Variants in NFKBID observed in about 807,000 individuals in gnomAD.
NFKBID encodes the protein NF-kappa-B inhibitor delta.
Under a neutral mutation model 53.4 loss-of-function variants are expected in NFKBID, and 26 were observed. The ratio of observed to expected loss-of-function variants is 0.49; its 90% CI spans 0.36 to 0.68. NFKBID has a LOEUF of 0.68. NFKBID is among the 30% of genes least tolerant of loss of function. The pLI is 0.00. For synonymous variants in NFKBID, 262 were observed against 259.8 expected (o/e 1.01, Z -0.08); for missense variants, 493 against 614.1 (o/e 0.80, Z 2.08).
At chr19:35,901,088 C>T (rs8108459), upstream of NFKBID, among the ~76,000 whole-genome samples, 10,894 of 152,004 alleles carry the variant, frequency 0.072, 941 homozygotes, top group African/African-American at 0.21. Context: ...CTGCCTTGGC[C>T]TCCCAAAGTG....
chr19:35,889,428 A>C (rs1304563458), intron 11 of NFKBID, among the ~76,000 whole-genome samples: 1 of 152,338 alleles, frequency 6.6e-6, no homozygotes, highest in East Asian at 1.9e-4. Flanking sequence ...GGGTTCGTAC[A>C]CTGAGAAAGG....
At chr19:35,895,356 C>T (rs549474114) in intron 9 of NFKBID, among the ~76,000 whole-genome samples, 1 of 150,244 alleles carries the variant, frequency 6.7e-6, no homozygotes, top group Non-Finnish European at 1.5e-5. Flanking sequence ...GGCATGGTGG[C>T]GTGCGCCTAT....
rs1975163254 is a variant in NFKBID at position 35,896,509 on chromosome 19, G to A, written c.714C>T (p.Asn238=). ...ACAGATCCTCCACAATCAGGGGCTG[G>A]TTGGCAGCAGCCGCCACCAGGAGAG... is the stretch of plus-strand genomic sequence containing the variant. Residue 238 remains asparagine, a synonymous_variant, in exon 7 of 12, where the codon AAC becomes AAT. Transcript: ENST00000641389. The surrounding 1 kb of genome is among the most constrained non-coding windows in gnomAD (Gnocchi z 5.7). The A allele has an allele frequency of 6.2e-7, 1 of 1,614,074 alleles. No individual in the cohort carries two copies. Among genetic ancestry groups the A allele is most frequent in the Non-Finnish European group, 8.5e-7 (1 of 1,179,946 alleles).
downstream of NFKBID, chr19:35,888,104 C>T (rs1201062909): frequency 6.3e-6 from 1 of 158,724 alleles, no homozygotes; most frequent in East Asian, 1.9e-4. Context: ...GAGGGTCCCT[C>T]CTGTCTCAGG....
chr19:35,898,446 G>A (rs1477874707), intron 3 of NFKBID, 26 bp downstream of exon 3: 8 of 1,490,248 alleles, frequency 5.4e-6, no homozygotes, highest in African/African-American at 1.4e-5. Flanking sequence ...AGGGGGATGG[G>A]GAGGCCGGGA....
chr19:35,895,922 C>T (rs1975107212), intron 9 of NFKBID, 58 bp downstream of exon 9: 4 of 1,544,526 alleles, frequency 2.6e-6, no homozygotes, highest in Non-Finnish European at 3.5e-6. Flanking sequence ...TCCCGGACAT[C>T]CAAGTGGCCC....
At chr19:35,888,950 T>C (rs1197297278) in intron 11 of NFKBID, among the ~76,000 whole-genome samples, 1 of 150,468 alleles carries the variant, frequency 6.6e-6, no homozygotes, top group Non-Finnish European at 1.5e-5. Context: ...GAGGCTGAGG[T>C]GGGAGAATCA....
chr19:35,896,121 G>C lies in NFKBID; in HGVS notation c.891C>G (p.Thr297=). 6.2e-7 allele frequency: 1 copy of C among 1,614,164 alleles called. No individual in the cohort carries two copies. Among genetic ancestry groups the C allele is most frequent in the Non-Finnish European group, 8.5e-7 (1 of 1,180,002 alleles). The change falls in exon 9 of 12, where the codon ACC becomes ACG. Residue 297 remains threonine (T), a synonymous_variant. Transcript: ENST00000641389. This position sits in a 1 kb window ranked among gnomAD's most constrained non-coding sequence, Gnocchi z 5.7. Reference sequence around the variant, plus strand: ...GGGCCAGGATGGCCGTGTGGAGCGGGGTGAGGCCTGCAGAATGGAGACAGT... The same window carrying C: ...GGGCCAGGATGGCCGTGTGGAGCGGCGTGAGGCCTGCAGAATGGAGACAGT...
rs565237687 is a variant in NFKBID at position 35,896,247 on chromosome 19, T to C, written c.854A>G (p.Gln285Arg). ...GAAGTCTCTGGCTTCCAGGTCAACCTGGACCCCAGAGTTAAGCACAGCCTG... is the reference window on the plus strand; with the variant it reads ...GAAGTCTCTGGCTTCCAGGTCAACCCGGACCCCAGAGTTAAGCACAGCCTG... The change falls in exon 8 of 12, where the codon CAG (glutamine) becomes CGG (arginine). Residue 285 changes from glutamine to arginine, a missense_variant. By Grantham distance (43) the Gln-to-Arg change is conservative. Around this residue, in one of 2 missense-constraint regions of NFKBID, gnomAD observed 267 missense variants for 384.6 expected, o/e 0.69. Coordinates refer to ENST00000641389, the Ensembl canonical transcript of NFKBID. The surrounding 1 kb of genome is among the most constrained non-coding windows in gnomAD (Gnocchi z 5.7). The C allele has an allele frequency of 2.1e-5, 34 of 1,614,212 alleles. No homozygotes were observed. In the East Asian group the frequency reaches 7.1e-4, roughly 34 times the overall value.
chr19:35,888,579 G>A (rs1398076302), exon 12 of NFKBID: 1 of 1,571,734 alleles, frequency 6.4e-7, no homozygotes. Context: ...AGGCCTGGCG[G>A]CGCCACACGG....
chr19:35,898,425 T>C (rs1975336718), intron 3 of NFKBID, 47 bp downstream of exon 3: 1 of 1,213,634 alleles, frequency 8.2e-7, no homozygotes, highest in Non-Finnish European at 1.2e-6. Flanking sequence ...GATGTCTGAG[T>C]CCCTTAGGGA....
chr19:35,896,506 C>G lies in NFKBID; in HGVS notation c.717G>C (p.Gln239His). ...TCAACAGATCCTCCACAATCAGGGGCTGGTTGGCAGCAGCCGCCACCAGGA... is the reference window on the plus strand; with the variant it reads ...TCAACAGATCCTCCACAATCAGGGGGTGGTTGGCAGCAGCCGCCACCAGGA... The change falls in exon 7 of 12, where the codon CAG becomes CAC. Residue 239 changes from glutamine (Q) to histidine (H), a missense_variant. Coordinates refer to ENST00000641389, the Ensembl canonical transcript of NFKBID. The surrounding 1 kb of genome is among the most constrained non-coding windows in gnomAD (Gnocchi z 5.7). 1 of 1,614,152 alleles carries G rather than the reference C, an allele frequency of 6.2e-7. No homozygotes were observed. Among genetic ancestry groups the G allele is most frequent in the Admixed American group, 1.7e-5 (1 of 60,030 alleles).
At chr19:35,899,557 TAA>T (rs566857686) in intron 1 of NFKBID, 4,073 of 52,768 alleles carry the variant, frequency 0.077, 155 homozygotes, top group African/African-American at 0.16. Context: ...GAGACTCCAT[TAA>T]AAAAAAAAAA....
exon 12 of NFKBID, chr19:35,888,292 G>C: frequency 2.1e-6 from 1 of 481,140 alleles, no homozygotes; most frequent in South Asian, 2.4e-5. Flanking sequence ...AAGGACTAGG[G>C]GTGCAGGGTG....
At chr19:35,895,868 G>A in intron 9 of NFKBID, 112 bp downstream of exon 9, 3 of 924,384 alleles carry the variant, frequency 3.2e-6, no homozygotes, top group Middle Eastern at 3.4e-4. Flanking sequence ...ACATGTTCAA[G>A]GGCACGCAGC....
At chr19:35,901,411 G>A (rs1196111137), upstream of NFKBID, 3 of 152,026 alleles carry the variant, frequency 2.0e-5, no homozygotes, top group African/African-American at 7.3e-5. Context: ...ATAATTTATT[G>A]CAGCAGAGGA....
chr19:35,890,969 G>A (rs1280849982), intron 9 of NFKBID, among the ~76,000 whole-genome samples: 1 of 151,978 alleles, frequency 6.6e-6, no homozygotes, highest in African/African-American at 2.4e-5. Flanking sequence ...CCACGTCTCA[G>A]GGTGTACCAT....
intron 1 of NFKBID, 123 bp from the exon 2 acceptor site, chr19:35,898,945 C>T: frequency 1.5e-6 from 1 of 661,096 alleles, no homozygotes; most frequent in Non-Finnish European, 2.6e-6. Context: ...AAAACTGGCA[C>T]ATAGATGCCG....
upstream of NFKBID, among the ~76,000 whole-genome samples, chr19:35,900,817 T>TC (rs1975526435): frequency 6.8e-6 from 1 of 147,364 alleles, no homozygotes; most frequent in Non-Finnish European, 1.5e-5. Flanking sequence ...CTTTTTCTTT[T>TC]TTTTCTTTTC....
Sources: allele counts gnomAD v4.1 joint callset (sites outside exome capture counted in the v4.1 genomes callset), GRCh38; gene constraint gnomAD v4.1.1; regional missense constraint gnomAD v4.1.1; non-coding constraint Gnocchi (gnomAD v3.1); transcripts MANE v1.5; gene names NCBI Gene and HGNC (gene_info 2026-07-23, HGNC 2026-07-21).